The following RELB variants were observed in gnomAD, a reference collection of about 807,000 sequenced individuals.
RELB encodes the protein transcription factor RelB.
Under a neutral mutation model 55.4 loss-of-function variants are expected in RELB, and 14 were observed. That is an observed-to-expected ratio of 0.25 (90% CI 0.17 to 0.40). The LOEUF is 0.40. Among genes scored for constraint, RELB ranks in the 10% least tolerant of loss-of-function variants. RELB has a pLI of 1.00. For missense variants in RELB, 669 were observed against 830.7 expected (o/e 0.81, Z 2.39); for synonymous variants, 409 against 371.3 (o/e 1.10, Z -1.17).
At chr19:45,023,441 T>TTCCTTCCGTCC (rs1971515865) in intron 5 of RELB, among the ~76,000 whole-genome samples, 8 of 108,082 alleles carry the variant, frequency 7.4e-5, no homozygotes, top group Admixed American at 4.6e-4. Context: ...TCCGTCCTTC[T>TTCCTTCCGTCC]TTCTTTCTTT....
chr19:45,017,449 T>TAAAAAAAAAAACAAAAAAAAAAAAAAA (rs1971432386), intron 4 of RELB, among the ~76,000 whole-genome samples: 2 of 102,702 alleles, frequency 1.9e-5, no homozygotes, highest in African/African-American at 9.7e-5. Context: ...AGAATCTGTC[T>TAAAAAAAAAAACAAAAAAAAAAAAAAA]AAAAAAAAAA....
chr19:45,007,183 T>C (rs1971292366), intron 2 of RELB, among the ~76,000 whole-genome samples: 1 of 151,956 alleles, frequency 6.6e-6, no homozygotes, highest in African/African-American at 2.4e-5. Context: ...AGGCAGCACA[T>C]ACATAGTCAA....
intron 2 of RELB, among the ~76,000 whole-genome samples, chr19:45,007,687 G>T (rs1445788996): frequency 1.3e-5 from 2 of 151,894 alleles, no homozygotes; most frequent in Admixed American, 1.3e-4. Flanking sequence ...GTGAAACCCC[G>T]TCTCTACTAA....
At chr19:45,003,099 G>A in intron 2 of RELB, 103 bp downstream of exon 2, 2 of 1,132,544 alleles carry the variant, frequency 1.8e-6, no homozygotes, top group Non-Finnish European at 2.5e-6. Context: ...GTCCACCTCA[G>A]CTTTCTCCTG....
intron 9 of RELB, 135 bp downstream of exon 9, chr19:45,032,884 G>C: frequency 1.3e-6 from 1 of 748,206 alleles, no homozygotes; most frequent in Non-Finnish European, 2.2e-6. Flanking sequence ...TCAGATCCTG[G>C]CTCTGCTGCT....
chr19:45,032,056 T>A (rs1971629154), intron 8 of RELB, among the ~76,000 whole-genome samples: 2 of 150,330 alleles, frequency 1.3e-5, no homozygotes, highest in South Asian at 4.3e-4. Context: ...GCCAACGTGG[T>A]GAAACCCCGT....
At chr19:45,028,413 A>C (rs1971582912) in intron 7 of RELB, among the ~76,000 whole-genome samples, 1 of 151,964 alleles carries the variant, frequency 6.6e-6, no homozygotes, top group African/African-American at 2.4e-5. Flanking sequence ...GCAGTGGTGC[A>C]ATCTCAGCTC....
In RELB at chr19:45,025,325, T is replaced by C. The variant is rs751559662; in HGVS notation, c.663-4T>C. 6.2e-7 allele frequency: 1 copy of C among 1,607,652 alleles called. No homozygotes were observed. Among genetic ancestry groups the C allele is most frequent in the Admixed American group, 1.7e-5 (1 of 58,922 alleles). On this transcript the variant is annotated splice_region_variant and splice_polypyrimidine_tract_variant and intron_variant, in intron 5 of 11. Transcript: ENST00000221452. ...CTCCTCTCCCTCCCCCGTCACCCCC[T>C]CAGTTTTAACAACCTGGGCATCCAG... is the stretch of plus-strand genomic sequence containing the variant.
intron 2 of RELB, among the ~76,000 whole-genome samples, chr19:45,007,782 C>T (rs560459615): frequency 2.6e-5 from 4 of 151,344 alleles, no homozygotes; most frequent in South Asian, 2.1e-4. Context: ...CGCTAGAACC[C>T]GGGAGGCAGA....
At chr19:45,013,004 C>T (rs1427577694) in intron 4 of RELB, among the ~76,000 whole-genome samples, 1 of 151,870 alleles carries the variant, frequency 6.6e-6, no homozygotes, top group African/African-American at 2.4e-5. Context: ...GAGCCAAGAT[C>T]GCACCACTGC....
At chr19:45,036,109 G>C (rs1465136967) in intron 11 of RELB, among the ~76,000 whole-genome samples, 1 of 152,044 alleles carries the variant, frequency 6.6e-6, no homozygotes, top group African/African-American at 2.4e-5. Context: ...GTCTTGCCCT[G>C]TTGCCTAGGC....
chr19:45,029,209 C>T (rs555567481), intron 8 of RELB, among the ~76,000 whole-genome samples: 1 of 152,350 alleles, frequency 6.6e-6, no homozygotes, highest in Admixed American at 6.5e-5. Flanking sequence ...ACGACAGAGA[C>T]TCGTCTGTGG....
At chr19:45,028,519 A>G (rs1971584021) in intron 7 of RELB, among the ~76,000 whole-genome samples, 1 of 151,792 alleles carries the variant, frequency 6.6e-6, no homozygotes, top group African/African-American at 2.4e-5. Context: ...TTTTTAGTAG[A>G]GTCAGGGTTT....
chr19:45,017,084 C>A (rs879740926), intron 4 of RELB, among the ~76,000 whole-genome samples: 1 of 152,114 alleles, frequency 6.6e-6, no homozygotes, highest in Admixed American at 6.6e-5. Flanking sequence ...AGCCACCCCC[C>A]AAATCCCATT....
chr19:45,026,327 C>T (rs1356400264), intron 7 of RELB, among the ~76,000 whole-genome samples: 1 of 152,006 alleles, frequency 6.6e-6, no homozygotes, highest in Non-Finnish European at 1.5e-5. Flanking sequence ...TGCTTGAGCC[C>T]AGGAGGTTGA....
In RELB at chr19:45,006,964, A is replaced by C. The variant is rs1895273615; in HGVS notation, c.155-2850A>C. 3.3e-5 allele frequency among the ~76,000 whole-genome samples: 5 copies of C among 151,814 alleles called. No homozygotes were observed. The South Asian group carries it at 1.0e-3, about 31-fold the overall frequency. On this transcript the variant is annotated intron_variant, in intron 2 of 11. Coordinates refer to ENST00000221452, the MANE Select transcript of RELB (RefSeq NM_006509.4). The stretch of plus-strand genomic sequence containing the variant: ...CAGCAAAACTCCATCTGAAAAAAAA[A>C]AAAAAAAAGAAAATGATAAAACAAA...
In RELB at chr19:45,025,393, A is replaced by T; in HGVS notation, c.727A>T (p.Ile243Phe). The change falls in exon 6 of 12, where the codon ATT becomes TTT. Residue 243 changes from isoleucine to phenylalanine, a missense_variant. By Grantham distance (21) the Ile-to-Phe change is conservative. Around this residue, in one of 3 missense-constraint regions of RELB, gnomAD observed 323 missense variants for 368.5 expected, o/e 0.88. Coordinates refer to ENST00000221452, the MANE Select transcript of RELB (RefSeq NM_006509.4). ...KEIEAAIERK[I>F]QLGIDPYNAG... is the part of the protein sequence containing the mutation. ...GATTGAGGCTGCCATTGAGCGGAAG[A>T]TTCAACTGGGCATTGACCCCTACAA... 6.2e-7 allele frequency: 1 copy of T among 1,612,714 alleles called. No individual in the cohort carries two copies. Among genetic ancestry groups the T allele is most frequent in the Non-Finnish European group, 8.5e-7 (1 of 1,179,446 alleles).
intron 4 of RELB, among the ~76,000 whole-genome samples, chr19:45,013,086 T>TA (rs914456844): frequency 1.7e-4 from 25 of 150,376 alleles, no homozygotes; most frequent in South Asian, 2.1e-4. Context: ...ACACTGGAAG[T>TA]AAAAAAAGCA....
intron 4 of RELB, among the ~76,000 whole-genome samples, chr19:45,021,166 A>C (rs1403411137): frequency 6.6e-6 from 1 of 151,326 alleles, no homozygotes; most frequent in Admixed American, 6.6e-5. Context: ...ATACAGCGAG[A>C]CCCTGTCACA....
Sources: gnomAD v4.1 joint callset for allele counts (sites outside exome capture counted in the v4.1 genomes callset) on GRCh38, gnomAD v4.1.1 for gene constraint, gnomAD v4.1.1 regional missense constraint, MANE v1.5 for transcripts, NCBI Gene and HGNC (gene_info 2026-07-23, HGNC 2026-07-21) for gene names.